VAV2: variants seen among roughly 807,000 people sequenced by gnomAD.
VAV2 encodes the protein vav guanine nucleotide exchange factor 2.
In VAV2, 67 loss-of-function variants were observed where a neutral mutation model predicts 132.5. That is an observed-to-expected ratio of 0.51 (90% confidence interval 0.42 to 0.62). VAV2 has a LOEUF of 0.62. Ranked by LOEUF, VAV2 falls within the 20% of genes least tolerant of loss-of-function variation. The pLI is 0.00. For synonymous variants in VAV2, 492 were observed against 443.5 expected (o/e 1.11, Z -1.37); for missense variants, 938 against 1,153.6 (o/e 0.81, Z 2.71).
rs1402667908 is a variant in VAV2 at position 133,783,486 on chromosome 9, G to C, written c.1723+17C>G. On this transcript the variant is annotated intron_variant, in intron 19 of 29. Coordinates refer to ENST00000371850, the MANE Select transcript of VAV2 (RefSeq NM_001134398.2). ...CGTGGCCAGGGACTGGGGTGGGGGG[G>C]TGAGGGGGGTACTCACTGAACTTGC... 6.6e-7 allele frequency: 1 copy of C among 1,517,094 alleles called. No homozygotes were observed. The highest frequency in any genetic ancestry group is 2.0e-5 in the Admixed American group (1 of 49,890). 94.0% of individuals were successfully genotyped at this position (1,517,094 alleles called of 1,614,324 possible). A position where few individuals can be genotyped will look rare whatever the true frequency, so the allele number is the denominator to read the frequency against.
chr9:133,887,801 C>G (rs75586111), intron 2 of VAV2, among the ~76,000 whole-genome samples: 11,263 of 150,736 alleles, frequency 0.075, 503 homozygotes, highest in South Asian at 0.11. Flanking sequence ...CCATCCCCCG[C>G]CCCCCACCCA....
At position 133,991,554 on chromosome 9, in the gene VAV2, C is replaced by T. The variant is rs1441179593; in HGVS notation, c.204+521G>A. On this transcript the variant is annotated intron_variant, in intron 1 of 29. Coordinates refer to ENST00000371850, the MANE Select transcript of VAV2 (RefSeq NM_001134398.2). This position sits in a 1 kb window ranked among gnomAD's most constrained non-coding sequence, Gnocchi z 4.8. ...GCGGAGGCCGGCGAGGGGGCGGTGC[C>T]CGGGGCCAACCCAGCTCCCTCCGGC... is the stretch of plus-strand genomic sequence containing the variant. 1.3e-5 allele frequency among the ~76,000 whole-genome samples: 2 copies of T among 151,874 alleles called. No homozygotes were observed. The highest frequency in any genetic ancestry group is 2.9e-5 in the Non-Finnish European group (2 of 67,914).
intron 7 of VAV2, among the ~76,000 whole-genome samples, chr9:133,808,495 C>T (rs1316686039): frequency 6.6e-6 from 1 of 152,138 alleles, no homozygotes; most frequent in Non-Finnish European, 1.5e-5. Flanking sequence ...GAGGTGAAGG[C>T]TGATCCTCAG....
At chr9:133,910,509 C>CT (rs1167256300) in intron 2 of VAV2, among the ~76,000 whole-genome samples, 1 of 152,014 alleles carries the variant, frequency 6.6e-6, no homozygotes, top group East Asian at 1.9e-4. Context: ...AGTCACACAG[C>CT]TAGAAAATCA....
intron 13 of VAV2, among the ~76,000 whole-genome samples, chr9:133,791,148 G>C (rs908015638): frequency 6.6e-6 from 1 of 152,162 alleles, no homozygotes; most frequent in Admixed American, 6.5e-5. Context: ...TCGGGAAGTC[G>C]GCTCCGGTCA....
chr9:133,865,748 A>G (rs367974566), intron 2 of VAV2, among the ~76,000 whole-genome samples: 2 of 152,344 alleles, frequency 1.3e-5, no homozygotes, highest in South Asian at 2.1e-4. Context: ...TGGTAAACAT[A>G]CATATATTCA....
In VAV2 at chr9:133,802,323, T is replaced by TATAC. The variant is rs1554776717; in HGVS notation, c.836+3757_836+3758insGTAT. On this transcript the variant is annotated intron_variant, in intron 9 of 29. Coordinates refer to ENST00000371850, the MANE Select transcript of VAV2 (RefSeq NM_001134398.2). The surrounding 1 kb of genome is among the most constrained non-coding windows in gnomAD (Gnocchi z 5.8). ...GCACACAAACACACAAGCACGCGTG[T>TATAC]ACACACACACACACACACACACACA... Among the ~76,000 whole-genome samples, 1 of 142,096 alleles carries TATAC rather than the reference T, an allele frequency of 7.0e-6. No individual in the cohort carries two copies. Among genetic ancestry groups the TATAC allele is most frequent in the Admixed American group, 7.1e-5 (1 of 14,176 alleles). The allele number at this position is 142,096 out of a possible 152,430, so 93.2% of individuals were successfully genotyped here.
rs190077933 is a variant in VAV2 at position 133,840,234 on chromosome 9, C to G, written c.381-5894G>C. ...TCCTGAGCATGCATTTCCTCGTGCCCGGCTTCGGGAAGCAGAGTTTCCCAC... is the reference window on the plus strand; with the variant it reads ...TCCTGAGCATGCATTTCCTCGTGCCGGGCTTCGGGAAGCAGAGTTTCCCAC... On this transcript the variant is annotated intron_variant, in intron 3 of 29. Transcript: ENST00000371850. This position sits in a 1 kb window ranked among gnomAD's most constrained non-coding sequence, Gnocchi z 4.5. Among the ~76,000 whole-genome samples the G allele has an allele frequency of 6.6e-6, 1 of 152,202 alleles. No individual in the cohort carries two copies. Among genetic ancestry groups the G allele is most frequent in the Non-Finnish European group, 1.5e-5 (1 of 68,030 alleles).
intron 1 of VAV2, among the ~76,000 whole-genome samples, chr9:133,989,347 AAAAAAAAC>A (rs1348223245): frequency 2.0e-5 from 3 of 150,570 alleles, no homozygotes; most frequent in African/African-American, 4.9e-5. Context: ...CTCAAAAAAA[AAAAAAAAC>A]AAAAAATACA....
chr9:133,820,023 C>A (rs1835723352), intron 4 of VAV2, among the ~76,000 whole-genome samples: 1 of 152,204 alleles, frequency 6.6e-6, no homozygotes, highest in Non-Finnish European at 1.5e-5. Flanking sequence ...TCTCCTATGA[C>A]CGATTCTGCA....
chr9:133,858,348 G>T (rs1837464115), intron 3 of VAV2, among the ~76,000 whole-genome samples: 1 of 152,184 alleles, frequency 6.6e-6, no homozygotes, highest in East Asian at 1.9e-4. Context: ...TCCAGGGCTT[G>T]GGTGGCAATG....
At position 133,817,725 on chromosome 9, in the gene VAV2, GT is replaced by G. The variant is rs1283212024; in HGVS notation, c.450-5510del. Among the ~76,000 whole-genome samples the G allele has an allele frequency of 2.0e-5, 3 of 152,346 alleles. No homozygotes were observed. The East Asian group carries it at 5.8e-4, about 29-fold the overall frequency. On this transcript the variant is annotated intron_variant, in intron 4 of 29. Transcript: ENST00000371850. ...TAATCAAGCTGATCCAGCGAGTAGA[GT>G]GTTCATTTCAGATATCGTGCTTTTC...
chr9:133,831,579 G>A (rs1836266173), intron 4 of VAV2, among the ~76,000 whole-genome samples: 1 of 152,224 alleles, frequency 6.6e-6, no homozygotes, highest in Non-Finnish European at 1.5e-5. Context: ...AGTTCAGGAA[G>A]TGTCCTGGGC....
intron 3 of VAV2, among the ~76,000 whole-genome samples, chr9:133,855,865 C>T (rs377083603): frequency 3.3e-5 from 5 of 152,222 alleles, no homozygotes; most frequent in African/African-American, 1.2e-4. Flanking sequence ...GCAGCCGTCA[C>T]AGCAATGCTA....
At chr9:133,797,957 AC>A in intron 9 of VAV2, 148 bp from the exon 10 acceptor site, 1 of 662,502 alleles carries the variant, frequency 1.5e-6, no homozygotes. Context: ...GACACATTCA[AC>A]GGCCAGGAGG....
Position 133,817,281 on chromosome 9 carries a change from T to C in VAV2, c.450-5065A>G, listed in dbSNP as rs550386497. 2.0e-5 allele frequency among the ~76,000 whole-genome samples: 3 copies of C among 152,374 alleles called. No homozygotes were observed. In the East Asian group the frequency reaches 5.8e-4, roughly 29 times the overall value. On this transcript the variant is annotated intron_variant, in intron 4 of 29. Coordinates refer to ENST00000371850, the MANE Select transcript of VAV2 (RefSeq NM_001134398.2). The stretch of plus-strand genomic sequence containing the variant: ...TGAGAGACTGCAATAATACCCGTGT[T>C]AGACGTCCTGACATCATCCCACACG...
intron 29 of VAV2, among the ~76,000 whole-genome samples, chr9:133,766,474 G>A (rs1287560523): frequency 6.6e-6 from 1 of 151,982 alleles, no homozygotes; most frequent in Non-Finnish European, 1.5e-5. Flanking sequence ...TCCTTTGTAG[G>A]GACATGGATG....
At chr9:133,836,889 A>C (rs914026772) in intron 3 of VAV2, among the ~76,000 whole-genome samples, 27 of 152,312 alleles carry the variant, frequency 1.8e-4, no homozygotes, top group African/African-American at 6.5e-4. Context: ...CACCAATCAA[A>C]GCTCTCCTAT....
At chr9:133,781,822 G>A (rs1156356460) in intron 19 of VAV2, among the ~76,000 whole-genome samples, 1 of 152,248 alleles carries the variant, frequency 6.6e-6, no homozygotes, top group African/African-American at 2.4e-5. Flanking sequence ...GGAGAATGGA[G>A]CTGGTGCCAG....
Sources: gnomAD v4.1 joint callset for allele counts (sites outside exome capture counted in the v4.1 genomes callset) on GRCh38, gnomAD v4.1.1 for gene constraint, Gnocchi (gnomAD v3.1) non-coding constraint, MANE v1.5 for transcripts, NCBI Gene and HGNC (gene_info 2026-07-23, HGNC 2026-07-21) for gene names.